ZNF273: variants seen among roughly 807,000 people sequenced by gnomAD.
ZNF273 encodes zinc finger protein 9.
A neutral mutation model predicts 14.9 loss-of-function variants in ZNF273; 11 were observed. That is an observed-to-expected ratio of 0.74 (90% CI 0.46 to 1.22). The LOEUF is 1.22. ZNF273 is among the 50% of genes most tolerant of loss of function. ZNF273 has a pLI of 0.00. For missense variants in ZNF273, 577 were observed against 660.6 expected, an observed-to-expected ratio of 0.87 and a Z score of 1.39; for synonymous variants, 199 against 223.9, an observed-to-expected ratio of 0.89 and a Z score of 0.99.
downstream of ZNF273, among the ~76,000 whole-genome samples, chr7:64,932,139 A>G (rs554878317): frequency 1.3e-5 from 2 of 152,102 alleles, no homozygotes; most frequent in African/African-American, 2.4e-5. Flanking sequence ...GCTTACCAAT[A>G]TAACTGTCAG....
At chr7:64,909,528 CATA>C (rs1487804317) in intron 1 of ZNF273, among the ~76,000 whole-genome samples, 2 of 152,114 alleles carry the variant, frequency 1.3e-5, no homozygotes, top group African/African-American at 2.4e-5. Context: ...CGCGCCCAGC[CATA>C]ATGTTTTCTT....
chr7:64,909,520 C>T (rs1202811220), intron 1 of ZNF273, among the ~76,000 whole-genome samples: 2 of 152,146 alleles, frequency 1.3e-5, no homozygotes, highest in South Asian at 2.1e-4. Context: ...TGAGCCACCG[C>T]GCCCAGCCAT....
chr7:64,934,813 T>C (rs1410050146), downstream of ZNF273, among the ~76,000 whole-genome samples: 4 of 152,156 alleles, frequency 2.6e-5, no homozygotes, highest in Admixed American at 2.0e-4. Context: ...CATATAAATT[T>C]TAGATATATT....
At chr7:64,899,952 G>A (rs1792589561), upstream of ZNF273, among the ~76,000 whole-genome samples, 1 of 151,872 alleles carries the variant, frequency 6.6e-6, no homozygotes, top group Admixed American at 6.6e-5. Context: ...TAGAGACGGG[G>A]TTTCTCCATG....
chr7:64,936,680 A>G, the ZNF273 span, among the ~76,000 whole-genome samples: 3 of 152,206 alleles, frequency 2.0e-5, no homozygotes, highest in African/African-American at 7.2e-5. Context: ...TGAATGAGAT[A>G]AAAGTCTTCT....
intron 1 of ZNF273, 80 bp from the exon 2 acceptor site, chr7:64,917,501 C>G: frequency 6.5e-7 from 1 of 1,540,976 alleles, no homozygotes; most frequent in Non-Finnish European, 8.8e-7. Flanking sequence ...TCTTTACTTT[C>G]GCATTCCACC....
chr7:64,920,014 T>C (rs1461429748), intron 3 of ZNF273, among the ~76,000 whole-genome samples: 1 of 152,166 alleles, frequency 6.6e-6, no homozygotes, highest in Admixed American at 6.5e-5. Context: ...GTCTGTGAAT[T>C]TGAAGAAACA....
At chr7:64,916,945 T>C in intron 1 of ZNF273, 1 of 1,164,770 alleles carries the variant, frequency 8.6e-7, no homozygotes, top group Middle Eastern at 3.8e-4. Context: ...ACCATCACAT[T>C]TAATCTGGAA....
chr7:64,911,619 G>A (rs1793519714), intron 1 of ZNF273, among the ~76,000 whole-genome samples: 1 of 47,850 alleles, frequency 2.1e-5, no homozygotes, highest in Admixed American at 3.3e-4. Flanking sequence ...ATTTCTAATT[G>A]TATTTATTTG....
intron 1 of ZNF273, chr7:64,916,976 T>G: frequency 8.1e-7 from 1 of 1,229,480 alleles, no homozygotes; most frequent in Non-Finnish European, 1.0e-6. Flanking sequence ...TTTCTTAGGT[T>G]TCCTTTGTAT....
In ZNF273 at chr7:64,923,793, T is replaced by C. The variant is rs529169992; in HGVS notation, c.326-3861T>C. The C allele has an allele frequency of 3.2e-5, 5 of 154,732 alleles. No individual in the cohort carries two copies. In the East Asian group the frequency reaches 9.6e-4, roughly 30 times the overall value. The allele number at this position is 154,732 out of a possible 1,614,324, so 9.6% of individuals were successfully genotyped here. A position where few individuals can be genotyped will look rare whatever the true frequency, so the allele number is the denominator to read the frequency against. On this transcript the variant is annotated intron_variant, in intron 3 of 3. Coordinates refer to ENST00000476120, the MANE Select transcript of ZNF273 (RefSeq NM_021148.3). ...GACCACATATGTGAAAGTATATATA[T>C]GTGCTGCATTCTATTTTACTAGTCT...
At chr7:64,881,017 C>A (rs375019867), downstream of ZNF273, among the ~76,000 whole-genome samples, 57 of 152,266 alleles carry the variant, frequency 3.7e-4, no homozygotes, top group South Asian at 3.5e-3. Flanking sequence ...GGATGGGGTC[C>A]CGCACCTTCA....
Position 64,909,544 on chromosome 7 carries a change from T to C in ZNF273, c.102+6125T>C, listed in dbSNP as rs1466223452. Among the ~76,000 whole-genome samples the C allele has an allele frequency of 2.0e-5, 3 of 152,190 alleles. No homozygotes were observed. The East Asian group carries it at 5.8e-4, about 29-fold the overall frequency. On this transcript the variant is annotated intron_variant, in intron 1 of 3. Transcript: ENST00000476120. Reference sequence around the variant, plus strand: ...GCGCCCAGCCATAATGTTTTCTTTATCCGGTCTACTATTGATAGACATTTA... The same window carrying C: ...GCGCCCAGCCATAATGTTTTCTTTACCCGGTCTACTATTGATAGACATTTA...
At chr7:64,914,077 C>T (rs903862939) in intron 1 of ZNF273, among the ~76,000 whole-genome samples, 4 of 151,490 alleles carry the variant, frequency 2.6e-5, no homozygotes, top group African/African-American at 7.3e-5. Flanking sequence ...GGCTTGATCT[C>T]GGCTACTTCA....
chr7:64,922,478 A>C (rs1346303480), intron 3 of ZNF273, among the ~76,000 whole-genome samples: 1 of 151,424 alleles, frequency 6.6e-6, no homozygotes, highest in Non-Finnish European at 1.5e-5. Flanking sequence ...ACAGCGACTA[A>C]TTTTTGCATT....
At chr7:64,881,014 G>A (rs1467825407), downstream of ZNF273, among the ~76,000 whole-genome samples, 1 of 152,184 alleles carries the variant, frequency 6.6e-6, no homozygotes, top group African/African-American at 2.4e-5. Flanking sequence ...TGTGGATGGG[G>A]TCCCGCACCT....
At chr7:64,911,967 C>A (rs1051966669) in intron 1 of ZNF273, among the ~76,000 whole-genome samples, 11 of 152,156 alleles carry the variant, frequency 7.2e-5, no homozygotes, top group Admixed American at 7.2e-4. Context: ...TGATTCCTGT[C>A]TCAATTCCAT....
chr7:64,933,953 A>T (rs1795039931), downstream of ZNF273, among the ~76,000 whole-genome samples: 1 of 152,204 alleles, frequency 6.6e-6, no homozygotes, highest in African/African-American at 2.4e-5. Context: ...ATACATTATT[A>T]TGAACCATAG....
chr7:64,906,966 G>A (rs1793154198), intron 1 of ZNF273, among the ~76,000 whole-genome samples: 1 of 152,094 alleles, frequency 6.6e-6, no homozygotes, highest in African/African-American at 2.4e-5. Context: ...AATAGAAGGT[G>A]GGAAAATTAG....
Sources: allele counts gnomAD v4.1 joint callset (sites outside exome capture counted in the v4.1 genomes callset), GRCh38; gene constraint gnomAD v4.1.1; transcripts MANE v1.5; gene names NCBI Gene and HGNC (gene_info 2026-07-23, HGNC 2026-07-21).